The following FBN3 variants were observed in gnomAD, a reference collection of about 807,000 sequenced individuals.
The protein encoded by FBN3 is fibrillin-3.
A neutral mutation model predicts 330.1 loss-of-function variants in FBN3; 234 were observed. The ratio of observed to expected loss-of-function variants is 0.71; its 90% CI spans 0.64 to 0.79. FBN3 has a LOEUF of 0.79. FBN3 is among the 30% of genes least tolerant of loss of function. The probability of loss-of-function intolerance (pLI) is 0.00; values close to 1 mark genes in which losing one functional copy is unlikely to be tolerated. For missense variants in FBN3, 3,606 were observed against 3,886.9 expected (o/e 0.93, Z 1.92); for synonymous variants, 1,458 against 1,517.3 (o/e 0.96, Z 0.91).
At chr19:8,104,923 TTC>T (rs201491237) in intron 38 of FBN3, among the ~76,000 whole-genome samples, 6,945 of 140,204 alleles carry the variant, frequency 0.05, 523 homozygotes, top group African/African-American at 0.16. Context: ...TCTTTCTTTC[TTC>T]TCTTTCTTTC....
At chr19:8,124,092 C>G in intron 22 of FBN3, 84 bp from the exon 23 acceptor site, 1 of 1,197,958 alleles carries the variant, frequency 8.3e-7, no homozygotes, top group Non-Finnish European at 1.2e-6. Context: ...TCACTCCCAT[C>G]GGAAACTTTC....
rs2083340071 is a variant in FBN3 at position 8,138,494 on chromosome 19, G to A, written c.936C>T (p.Tyr312=). ...GRCAGDLAGH[Y]TRRQCCCDRG... ...TGTCACAGCAGCACTGCCTGCGAGTGTAGTGGCCGGCGAGGTCTCCAGCAC... is the reference window on the plus strand; with the variant it reads ...TGTCACAGCAGCACTGCCTGCGAGTATAGTGGCCGGCGAGGTCTCCAGCAC... The change falls in exon 9 of 64, where the codon TAC becomes TAT. Residue 312 remains tyrosine, a synonymous_variant. Transcript: ENST00000600128. The A allele has an allele frequency of 1.2e-6, 2 of 1,613,046 alleles. No individual in the cohort carries two copies. The highest frequency in any genetic ancestry group is 1.7e-6 in the Non-Finnish European group (2 of 1,180,012).
chr19:8,148,395 C>T (rs1599463939), intron 1 of FBN3, among the ~76,000 whole-genome samples: 1 of 152,308 alleles, frequency 6.6e-6, no homozygotes, highest in South Asian at 2.1e-4. Flanking sequence ...GAAGGGACCG[C>T]TTCTGTGCCC....
rs2082518846 is a variant in FBN3, at chr19:8,109,202, G to A, written c.4618+25C>T. ...GGGCCTCGGTGGCTTAGGTCACGGT[G>A]TTCAACTGCCCCGCAGGGACTCACT... On this transcript the variant is annotated intron_variant, in intron 36 of 63. Transcript: ENST00000600128. The surrounding 1 kb of genome is among the most constrained non-coding windows in gnomAD (Gnocchi z 5.2). The A allele has an allele frequency of 4.3e-6, 7 of 1,611,054 alleles. No individual in the cohort carries two copies. The South Asian group carries it at 6.6e-5, about 15-fold the overall frequency.
chr19:8,129,390 G>A lies in FBN3; in HGVS notation c.2045-25C>T. The A allele has an allele frequency of 6.2e-7, 1 of 1,610,606 alleles. No individual in the cohort carries two copies. Among genetic ancestry groups the A allele is most frequent in the Non-Finnish European group, 8.5e-7 (1 of 1,178,114 alleles). On this transcript the variant is annotated intron_variant, in intron 16 of 63. Transcript: ENST00000600128. This position sits in a 1 kb window ranked among gnomAD's most constrained non-coding sequence, Gnocchi z 4.5. ...TCTGCGGCAGGAGGAGGGTGTGTCA[G>A]CAGCAGCAGAAGGAGGGTGTGTCCG...
At position 8,096,409 on chromosome 19, in the gene FBN3, T is replaced by C; in HGVS notation, c.5539+35A>G. 1.9e-6 allele frequency: 3 copies of C among 1,599,620 alleles called. No individual in the cohort carries two copies. The highest frequency in any genetic ancestry group is 1.3e-5 in the African/African-American group (1 of 74,714). ...GGGGAGGTTTAGACCCCAGGCAGCC[T>C]GGCTTGAAAAGGAGGGGGAAGATAA... On this transcript the variant is annotated intron_variant, in intron 44 of 63. Transcript: ENST00000600128. The surrounding 1 kb of genome is among the most constrained non-coding windows in gnomAD (Gnocchi z 4.6).
At position 8,087,709 on chromosome 19, in the gene FBN3, C is replaced by T. The variant is rs148024921; in HGVS notation, c.6619+116G>A. On this transcript the variant is annotated intron_variant, in intron 53 of 63. Coordinates refer to ENST00000600128, the MANE Select transcript of FBN3 (RefSeq NM_032447.5). The stretch of plus-strand genomic sequence containing the variant: ...GCAACCTCCGCCTCCCAGGTTCAAG[C>T]GATTCTCCTGTCTCTCAGCCTCCCA... 1,354 of 886,766 alleles carry T rather than the reference C, an allele frequency of 1.5e-3. 19 individuals carry two copies. In the African/African-American group the frequency reaches 0.021, roughly 14 times the overall value. 54.9% of individuals were successfully genotyped at this position (886,766 alleles called of 1,614,324 possible).
At chr19:8,111,865 GC>G (rs1190757438) in intron 31 of FBN3, 95 bp from the exon 32 acceptor site, 7 of 1,498,238 alleles carry the variant, frequency 4.7e-6, no homozygotes, top group Middle Eastern at 2.4e-4. Context: ...AACCCTGACT[GC>G]CCCCCTGCAG....
chr19:8,114,573 T>C (rs1218502129), intron 30 of FBN3, among the ~76,000 whole-genome samples: 2 of 151,970 alleles, frequency 1.3e-5, no homozygotes, highest in Non-Finnish European at 2.9e-5. Flanking sequence ...TTAATATAGA[T>C]GGGGTTGCTG....
chr19:8,116,602 G>A, intron 29 of FBN3, 72 bp downstream of exon 29: 2 of 1,515,416 alleles, frequency 1.3e-6, no homozygotes, highest in East Asian at 2.3e-5. Flanking sequence ...GTGCCACCTT[G>A]TGGAAGACCT....
chr19:8,106,450 G>C (rs1328850169), intron 37 of FBN3, among the ~76,000 whole-genome samples: 2 of 152,192 alleles, frequency 1.3e-5, no homozygotes, highest in African/African-American at 4.8e-5. Flanking sequence ...TCATCTGTTA[G>C]TCCATTCTCC....
intron 6 of FBN3, 82 bp downstream of exon 6, chr19:8,144,795 G>A: frequency 2.6e-6 from 3 of 1,145,034 alleles, no homozygotes; most frequent in Admixed American, 2.1e-5. Flanking sequence ...TTCAAGGCCT[G>A]GCCATGTCTC....
In FBN3 at chr19:8,073,329, C is replaced by T. The variant is rs368615199; in HGVS notation, c.7703-32G>A. 81 of 1,578,974 alleles carry T rather than the reference C, an allele frequency of 5.1e-5. No homozygotes were observed. The Middle Eastern group carries it at 8.4e-4, about 16-fold the overall frequency. ...GAGGAAAGGAGGAGGAGAGGGAGGACGCAGAGGTGGGGCAGTGCAGCCTTC... is the reference window on the plus strand; with the variant it reads ...GAGGAAAGGAGGAGGAGAGGGAGGATGCAGAGGTGGGGCAGTGCAGCCTTC... On this transcript the variant is annotated intron_variant, in intron 61 of 63. Transcript: ENST00000600128.
chr19:8,129,593 T>C lies in FBN3; in HGVS notation c.2045-228A>G, dbSNP rs1479551082. Among the ~76,000 whole-genome samples the C allele has an allele frequency of 6.6e-6, 1 of 152,116 alleles. No individual in the cohort carries two copies. The highest frequency in any genetic ancestry group is 1.5e-5 in the Non-Finnish European group (1 of 68,020). ...GCTGTGAGGGGCCATCCCACGCATT[T>C]TAGGATGTCGAGCAGCTCCCGTGGC... On this transcript the variant is annotated intron_variant, in intron 16 of 63. Transcript: ENST00000600128. This position sits in a 1 kb window ranked among gnomAD's most constrained non-coding sequence, Gnocchi z 4.5.
At chr19:8,130,926 G>A (rs4275954) in intron 16 of FBN3, among the ~76,000 whole-genome samples, 106,766 of 151,380 alleles carry the variant, frequency 0.71, 38,087 homozygotes, top group Middle Eastern at 0.8. Context: ...GATGGAGGCA[G>A]AGATGGGGTG....
In FBN3 at chr19:8,096,686, C is replaced by T. The variant is rs1476640092; in HGVS notation, c.5414-117G>A. Reference sequence around the variant, plus strand: ...TTGAAGTTCCCCACTCAAACTTCCACCAGGGGCGTCAGGCTGTCTGCATGG... The same window carrying T: ...TTGAAGTTCCCCACTCAAACTTCCATCAGGGGCGTCAGGCTGTCTGCATGG... On this transcript the variant is annotated intron_variant, in intron 43 of 63. Transcript: ENST00000600128. The surrounding 1 kb of genome is among the most constrained non-coding windows in gnomAD (Gnocchi z 4.6). The T allele has an allele frequency of 7.0e-7, 1 of 1,428,214 alleles. No homozygotes were observed. The highest frequency in any genetic ancestry group is 1.3e-5 in the South Asian group (1 of 75,516). The allele number at this position is 1,428,214 out of a possible 1,614,324, so 88.5% of individuals were successfully genotyped here.
At chr19:8,147,063 C>T (rs770245982) in intron 3 of FBN3, 41 bp downstream of exon 3, 11 of 1,517,176 alleles carry the variant, frequency 7.3e-6, no homozygotes, top group East Asian at 4.9e-5. Context: ...AGAGTGTCCC[C>T]GGCCTGTGCC....
intron 9 of FBN3, 29 bp downstream of exon 9, chr19:8,138,383 C>A: frequency 1.9e-6 from 3 of 1,609,056 alleles, no homozygotes; most frequent in Non-Finnish European, 1.7e-6. Flanking sequence ...TCCTCACCCA[C>A]AGCCCTGCAG....
At chr19:8,075,553 T>A in intron 59 of FBN3, 142 bp from the exon 60 acceptor site, 2 of 772,478 alleles carry the variant, frequency 2.6e-6, no homozygotes, top group South Asian at 1.8e-5. Context: ...TGAAATGAGA[T>A]CTGTAACAGT....
Sources: gnomAD v4.1 joint callset for allele counts (sites outside exome capture counted in the v4.1 genomes callset) on GRCh38, gnomAD v4.1.1 for gene constraint, Gnocchi (gnomAD v3.1) non-coding constraint, MANE v1.5 for transcripts, NCBI Gene and HGNC (gene_info 2026-07-23, HGNC 2026-07-21) for gene names.